Variants in GRIK2 observed in about 807,000 individuals in gnomAD.
The protein encoded by GRIK2 is glutamate receptor ionotropic, kainate 2.
GRIK2 carries 32 observed loss-of-function variants against 100.3 expected under a neutral mutation model. The ratio of observed to expected loss-of-function variants is 0.32; its 90% confidence interval spans 0.24 to 0.43. GRIK2 has a LOEUF of 0.43. GRIK2 is among the 20% of genes least tolerant of loss of function. The probability of loss-of-function intolerance (pLI) is 1.00; values close to 1 mark genes in which losing one functional copy is unlikely to be tolerated. For missense variants in GRIK2, 843 were observed against 1,114.9 expected (o/e 0.76, Z 3.47); for synonymous variants, 417 against 389.4 (o/e 1.07, Z -0.83).
chr6:101,780,101 G>A (rs924565907), intron 7 of GRIK2, among the ~76,000 whole-genome samples: 2 of 152,116 alleles, frequency 1.3e-5, no homozygotes, highest in African/African-American at 4.8e-5. Context: ...GAACCCTGAA[G>A]CATTCTTTAG....
chr6:101,415,357 TTCCATAAC>T (rs1391825368), intron 2 of GRIK2, among the ~76,000 whole-genome samples: 1 of 150,378 alleles, frequency 6.6e-6, no homozygotes, highest in African/African-American at 2.4e-5. Flanking sequence ...TCAAGTATTT[TTCCATAAC>T]TTTTTTTTTT....
intron 14 of GRIK2, among the ~76,000 whole-genome samples, chr6:101,955,616 C>CTCTCTCTCTCTCTCTCTCTCTCTCTCTCT (rs1554292263): frequency 3.0e-5 from 4 of 135,592 alleles, no homozygotes; most frequent in Admixed American, 7.5e-5. Flanking sequence ...CTCTCTCTCT[C>CTCTCTCTCTCTCTCTCTCTCTCTCTCTCT]CCCCCCATTT....
At chr6:101,812,006 A>G (rs2128418992) in intron 9 of GRIK2, among the ~76,000 whole-genome samples, 1 of 151,566 alleles carries the variant, frequency 6.6e-6, no homozygotes, top group Admixed American at 6.6e-5. Context: ...AACAAAACCT[A>G]TAGTGTAAAA....
At chr6:101,510,129 G>A (rs1774225052) in intron 2 of GRIK2, among the ~76,000 whole-genome samples, 2 of 152,130 alleles carry the variant, frequency 1.3e-5, no homozygotes, top group Admixed American at 1.3e-4. Flanking sequence ...ACATTTCAAT[G>A]ACATTAAAGT....
chr6:101,494,631 C>T lies in GRIK2; in HGVS notation c.115+95239C>T, dbSNP rs1021265613. ...TAATACATTTAAAAACACAATACTT[C>T]ATATTATGTAATACCAGGGCCAGGC... On this transcript the variant is annotated intron_variant, in intron 2 of 16. Coordinates refer to ENST00000369134, the MANE Select transcript of GRIK2 (RefSeq NM_021956.5). 4.0e-5 allele frequency among the ~76,000 whole-genome samples: 6 copies of T among 151,634 alleles called. No homozygotes were observed. In the East Asian group the frequency reaches 1.2e-3, roughly 29 times the overall value.
intron 14 of GRIK2, among the ~76,000 whole-genome samples, chr6:101,940,139 A>G: frequency 6.6e-6 from 1 of 152,196 alleles, no homozygotes; most frequent in East Asian, 1.9e-4. Context: ...TACTAGTATT[A>G]GCAAAAGGAT....
chr6:101,482,529 A>T (rs190590614), intron 2 of GRIK2, among the ~76,000 whole-genome samples: 2 of 152,286 alleles, frequency 1.3e-5, no homozygotes, highest in East Asian at 3.9e-4. Context: ...AAACACTGTG[A>T]GCAGAGGATT....
chr6:101,987,348 C>T (rs72966287), intron 14 of GRIK2, among the ~76,000 whole-genome samples: 654 of 151,692 alleles, frequency 4.3e-3, no homozygotes, highest in African/African-American at 7.3e-3. Context: ...GCAAACAAAA[C>T]GAAAACAAAG....
At chr6:101,833,896 A>C (rs1782874543) in intron 10 of GRIK2, among the ~76,000 whole-genome samples, 1 of 152,094 alleles carries the variant, frequency 6.6e-6, no homozygotes, top group African/African-American at 2.4e-5. Context: ...CATTTAAATG[A>C]AGATGAACTG....
intron 14 of GRIK2, among the ~76,000 whole-genome samples, chr6:101,998,187 T>C (rs1351371328): frequency 6.6e-6 from 1 of 152,110 alleles, no homozygotes; most frequent in Non-Finnish European, 1.5e-5. Flanking sequence ...TTCTAAAATT[T>C]TATATAAATC....
At chr6:101,980,296 C>A (rs1793636586) in intron 14 of GRIK2, among the ~76,000 whole-genome samples, 1 of 151,874 alleles carries the variant, frequency 6.6e-6, no homozygotes, top group Non-Finnish European at 1.5e-5. Context: ...AATGTTTTAC[C>A]ATTTTACTTA....
intron 2 of GRIK2, among the ~76,000 whole-genome samples, chr6:101,574,529 A>C (rs1394151507): frequency 6.7e-6 from 1 of 149,066 alleles, no homozygotes; most frequent in Non-Finnish European, 1.5e-5. Context: ...ATTTTTAGAC[A>C]ATAAAATATA....
At chr6:101,911,679 T>A (rs1280853966) in intron 12 of GRIK2, among the ~76,000 whole-genome samples, 1 of 151,450 alleles carries the variant, frequency 6.6e-6, no homozygotes, top group Non-Finnish European at 1.5e-5. Flanking sequence ...CAAATAATGG[T>A]CCCATCCAAA....
intron 15 of GRIK2, among the ~76,000 whole-genome samples, chr6:102,050,347 G>A (rs1771105965): frequency 6.6e-6 from 1 of 151,870 alleles, no homozygotes; most frequent in Non-Finnish European, 1.5e-5. Context: ...AGGGAAGGAA[G>A]GGGAAGGGAA....
At chr6:101,716,772 C>A (rs532385347) in intron 7 of GRIK2, among the ~76,000 whole-genome samples, 1 of 151,698 alleles carries the variant, frequency 6.6e-6, no homozygotes, top group East Asian at 2.0e-4. Context: ...CAAAACAAAA[C>A]AAATAACAAC....
intron 2 of GRIK2, among the ~76,000 whole-genome samples, chr6:101,416,934 T>C (rs1265804255): frequency 6.6e-6 from 1 of 152,130 alleles, no homozygotes; most frequent in Non-Finnish European, 1.5e-5. Flanking sequence ...AAAAAGGAAG[T>C]AGTTTCAATG....
chr6:102,047,900 G>A (rs750393440), intron 15 of GRIK2, among the ~76,000 whole-genome samples: 3 of 151,574 alleles, frequency 2.0e-5, no homozygotes, highest in Non-Finnish European at 4.4e-5. Flanking sequence ...TAATACTCAA[G>A]GCAATAATGA....
intron 14 of GRIK2, among the ~76,000 whole-genome samples, chr6:102,000,543 G>A (rs563812012): frequency 1.3e-5 from 2 of 151,930 alleles, no homozygotes; most frequent in African/African-American, 2.4e-5. Context: ...TGTTTTTAAT[G>A]ACAAGTTCTG....
At chr6:101,576,190 TAAGG>T (rs1777779218) in intron 2 of GRIK2, among the ~76,000 whole-genome samples, 2 of 152,086 alleles carry the variant, frequency 1.3e-5, no homozygotes, top group South Asian at 2.1e-4. Context: ...CTACCACTGA[TAAGG>T]AAGGAAAAAC....
Sources: allele counts gnomAD v4.1 joint callset (sites outside exome capture counted in the v4.1 genomes callset), GRCh38; gene constraint gnomAD v4.1.1; transcripts MANE v1.5; gene names NCBI Gene and HGNC (gene_info 2026-07-23, HGNC 2026-07-21).